LRP1: variants seen among roughly 807,000 people sequenced by gnomAD.
LRP1 encodes prolow-density lipoprotein receptor-related protein 1.
In LRP1, 51 loss-of-function variants were observed where a neutral mutation model predicts 541.5. That is an observed-to-expected ratio of 0.09 (90% confidence interval 0.08 to 0.12). LRP1 has a LOEUF of 0.12. LRP1 is among the 10% of genes least tolerant of loss of function. LRP1 has a pLI of 1.00. For missense variants in LRP1, 3,878 were observed against 6,376.2 expected (o/e 0.61, Z 13.34); for synonymous variants, 2,219 against 2,470.8 (o/e 0.90, Z 3.02).
chr12:57,175,462 C>G lies in LRP1; in HGVS notation c.3550C>G (p.Gln1184Glu), dbSNP rs1213014146. 6.2e-7 allele frequency: 1 copy of G among 1,613,190 alleles called. No homozygotes were observed. Among genetic ancestry groups the G allele is most frequent in the Middle Eastern group, 1.6e-4 (1 of 6,062 alleles). ...DGSDEGELCD[Q>E]CSLNNGGCSH... The stretch of plus-strand genomic sequence containing the variant: ...TTCCATGCCTGCCCCTCCCCTAGAC[C>G]AGTGCTCTCTGAATAACGGTGGCTG... Residue 1184 changes from glutamine to glutamate, a missense_variant and splice_region_variant, in exon 23 of 89, where the codon CAG (glutamine) becomes GAG (glutamate). Physicochemically the swap from Gln to Glu is conservative, Grantham distance 29. Transcript: ENST00000243077.
In LRP1 at chr12:57,202,349, G is replaced by T; in HGVS notation, c.10595-72G>T. The T allele has an allele frequency of 2.5e-6, 3 of 1,222,984 alleles. No individual in the cohort carries two copies. The South Asian group carries it at 3.6e-5, about 15-fold the overall frequency. 75.8% of individuals were successfully genotyped at this position (1,222,984 alleles called of 1,614,324 possible). On this transcript the variant is annotated intron_variant, in intron 67 of 88. Transcript: ENST00000243077. The stretch of plus-strand genomic sequence containing the variant: ...CCCACCCTCCCTGCCAGGCCAGCCT[G>T]ACCATGCCTGCTTGGACCCTAATGT...
chr12:57,158,334 C>A lies in LRP1; in HGVS notation c.1562-68C>A. 7.6e-7 allele frequency: 1 copy of A among 1,323,524 alleles called. No individual in the cohort carries two copies. Among genetic ancestry groups the A allele is most frequent in the Non-Finnish European group, 1.1e-6 (1 of 943,976 alleles). The allele number at this position is 1,323,524 out of a possible 1,614,324, so 82.0% of individuals were successfully genotyped here. ...AGCTAGGGCATTGCAGCCCCTTGGC[C>A]GCAGCCCCTGGGTGGGGATGATGGT... On this transcript the variant is annotated intron_variant, in intron 10 of 88. Transcript: ENST00000243077. The surrounding 1 kb of genome is among the most constrained non-coding windows in gnomAD (Gnocchi z 5.3).
At chr12:57,191,795 A>C (rs1239094314) in intron 44 of LRP1, among the ~76,000 whole-genome samples, 1 of 68,054 alleles carries the variant, frequency 1.5e-5, no homozygotes, top group Admixed American at 1.6e-4. Context: ...CACACACCAC[A>C]CATATCACAT....
At chr12:57,207,859 C>A (rs2036818067) in intron 76 of LRP1, among the ~76,000 whole-genome samples, 179 bp from the exon 77 acceptor site, 1 of 152,258 alleles carries the variant, frequency 6.6e-6, no homozygotes, top group South Asian at 2.1e-4. Context: ...GGAGGGCTCA[C>A]CAGCCACGTG....
Position 57,200,303 on chromosome 12 carries a change from G to C in LRP1, c.10015-139G>C. ...ACGCAGCCCCATACCTGGCCTTTCC[G>C]AACTCACCATAGCCCAACCTGCCCC... On this transcript the variant is annotated intron_variant, in intron 62 of 88. Coordinates refer to ENST00000243077, the MANE Select transcript of LRP1 (RefSeq NM_002332.3). The C allele has an allele frequency of 4.4e-6, 3 of 682,972 alleles. No homozygotes were observed. The South Asian group carries it at 5.3e-5, about 12-fold the overall frequency. 42.3% of individuals were successfully genotyped at this position (682,972 alleles called of 1,614,324 possible).
At chr12:57,142,137 A>G (rs775466366) in intron 3 of LRP1, among the ~76,000 whole-genome samples, 2 of 152,112 alleles carry the variant, frequency 1.3e-5, no homozygotes, top group Non-Finnish European at 1.5e-5. Flanking sequence ...CACCAGCTCT[A>G]CAGTCTTTCC....
At chr12:57,149,589 A>G (rs2136668600) in intron 6 of LRP1, 1 of 701,324 alleles carries the variant, frequency 1.4e-6, no homozygotes, top group East Asian at 2.7e-5. Context: ...GAATCCAGGC[A>G]TCATCCCTGG....
rs1217259362 is a variant in LRP1 at position 57,206,776 on chromosome 12, A to C, written c.11859+35A>C. 6.3e-7 allele frequency: 1 copy of C among 1,598,876 alleles called. No homozygotes were observed. The highest frequency in any genetic ancestry group is 2.2e-5 in the East Asian group (1 of 44,762). On this transcript the variant is annotated intron_variant, in intron 76 of 88. Coordinates refer to ENST00000243077, the MANE Select transcript of LRP1 (RefSeq NM_002332.3). This position sits in a 1 kb window ranked among gnomAD's most constrained non-coding sequence, Gnocchi z 4.7. ...CAACCTGGCGTGGATGGAGTGGAAG[A>C]GCTCCATAGAGCAGGCGGTTCAGAG... is the stretch of plus-strand genomic sequence containing the variant.
intron 1 of LRP1, 136 bp from the exon 2 acceptor site, chr12:57,138,323 G>A: frequency 9.6e-7 from 1 of 1,041,978 alleles, no homozygotes; most frequent in Non-Finnish European, 1.4e-6. Context: ...ACACCCCCAG[G>A]CACATAGACC....
Position 57,179,764 on chromosome 12 carries a change from C to A in LRP1, c.4967-18C>A, listed in dbSNP as rs374688798. On this transcript the variant is annotated intron_variant, in intron 29 of 88. Transcript: ENST00000243077. This position sits in a 1 kb window ranked among gnomAD's most constrained non-coding sequence, Gnocchi z 6.8. Reference sequence around the variant, plus strand: ...CCCTGCAGACACCCAACAACTGACTCCCTACTTGTGCCCCCAGACTTGCCA... The same window carrying A: ...CCCTGCAGACACCCAACAACTGACTACCTACTTGTGCCCCCAGACTTGCCA... 14 of 1,611,428 alleles carry A rather than the reference C, an allele frequency of 8.7e-6. No homozygotes were observed. Among genetic ancestry groups the A allele is most frequent in the African/African-American group, 1.3e-5 (1 of 74,910 alleles).
chr12:57,179,680 G>C lies in LRP1; in HGVS notation c.4967-102G>C. ...AGTCCTGTTCCCCCTCAGTGCTCCA[G>C]CCTGGTTTCCTGATCCCTTTTCTCC... On this transcript the variant is annotated intron_variant, in intron 29 of 88. Coordinates refer to ENST00000243077, the MANE Select transcript of LRP1 (RefSeq NM_002332.3). This position sits in a 1 kb window ranked among gnomAD's most constrained non-coding sequence, Gnocchi z 6.8. 7.1e-7 allele frequency: 1 copy of C among 1,415,294 alleles called. No individual in the cohort carries two copies. The highest frequency in any genetic ancestry group is 9.8e-7 in the Non-Finnish European group (1 of 1,016,690). The allele number at this position is 1,415,294 out of a possible 1,614,324, so 87.7% of individuals were successfully genotyped here. A position where few individuals can be genotyped will look rare whatever the true frequency, so the allele number is the denominator to read the frequency against.
chr12:57,195,165 AC>A lies in LRP1; in HGVS notation c.8308+68del, dbSNP rs1472940908. 5 of 1,594,168 alleles carry A rather than the reference AC, an allele frequency of 3.1e-6. No individual in the cohort carries two copies. The African/African-American group carries it at 6.8e-5, about 22-fold the overall frequency. ...GGAGGGACAGACCCCACCCAACTCC[AC>A]CCCACACACAGACACCCCTGCAGAC... On this transcript the variant is annotated intron_variant, in intron 51 of 88. Transcript: ENST00000243077.
intron 78 of LRP1, 31 bp downstream of exon 78, chr12:57,208,848 C>T: frequency 6.4e-7 from 1 of 1,557,346 alleles, no homozygotes. Context: ...GAGGGACGGG[C>T]ATGGAGGGGG....
intron 68 of LRP1, chr12:57,202,929 G>A (rs1274695567): frequency 1.7e-5 from 10 of 571,450 alleles, no homozygotes; most frequent in Non-Finnish European, 3.1e-5. Context: ...AACACAGTCT[G>A]TTCTGAGGGC....
At chr12:57,176,991 T>C in intron 24 of LRP1, 50 bp from the exon 25 acceptor site, 2 of 1,525,008 alleles carry the variant, frequency 1.3e-6, no homozygotes, top group Non-Finnish European at 1.8e-6. Context: ...CACACATTCA[T>C]GCACAGCTCC....
At chr12:57,209,646 G>A (rs755702057) in intron 79 of LRP1, 46 bp from the exon 80 acceptor site, 1 of 1,550,838 alleles carries the variant, frequency 6.4e-7, no homozygotes, top group South Asian at 1.1e-5. Flanking sequence ...CATGGCCAGG[G>A]CCTGAGTGCC....
rs1462086076 is a variant in LRP1, at chr12:57,162,021, G to A, written c.2203-296G>A. Among the ~76,000 whole-genome samples the A allele has an allele frequency of 2.6e-5, 4 of 151,924 alleles. No individual in the cohort carries two copies. The highest frequency in any genetic ancestry group is 7.3e-5 in the African/African-American group (3 of 41,324). Reference sequence around the variant, plus strand: ...TGAGTGTGTGTGTGTGTGTGTGCACGTATGTGTGCGTGTGTGTGTTTGGGG... The same window carrying A: ...TGAGTGTGTGTGTGTGTGTGTGCACATATGTGTGCGTGTGTGTGTTTGGGG... On this transcript the variant is annotated intron_variant, in intron 13 of 88. Transcript: ENST00000243077. The surrounding 1 kb of genome is among the most constrained non-coding windows in gnomAD (Gnocchi z 5.2).
Position 57,181,158 on chromosome 12 carries a change from C to A in LRP1, c.5529C>A (p.Asp1843Glu). The stretch of plus-strand genomic sequence containing the variant: ...CCTCTGCCTCCCACCTGCCCCCAGA[C>A]CATAAGGGCACCAACCCCTGCAGTG... Reference protein sequence around the residue: ...MKVYDESIQLDHKGTNPCSVN... With the variant: ...MKVYDESIQLEHKGTNPCSVN... Residue 1843 changes from aspartate (D) to glutamate (E), a missense_variant and splice_region_variant, in exon 34 of 89, where the codon GAC (aspartate) becomes GAA (glutamate). Physicochemically the swap from Asp to Glu is conservative, Grantham distance 45. Coordinates refer to ENST00000243077, the MANE Select transcript of LRP1 (RefSeq NM_002332.3). 6.2e-7 allele frequency: 1 copy of A among 1,613,006 alleles called. No individual in the cohort carries two copies. The highest frequency in any genetic ancestry group is 8.5e-7 in the Non-Finnish European group (1 of 1,179,570).
chr12:57,143,545 G>A, intron 3 of LRP1, 134 bp from the exon 4 acceptor site: 1 of 1,083,604 alleles, frequency 9.2e-7, no homozygotes, highest in East Asian at 2.5e-5. Flanking sequence ...TGCTTCCTAA[G>A]GCCCTTCTGT....
Sources: allele counts gnomAD v4.1 joint callset (sites outside exome capture counted in the v4.1 genomes callset), GRCh38; gene constraint gnomAD v4.1.1; non-coding constraint Gnocchi (gnomAD v3.1); transcripts MANE v1.5; gene names NCBI Gene and HGNC (gene_info 2026-07-23, HGNC 2026-07-21).